Variants in CCDC102B observed in about 807,000 individuals in gnomAD.
CCDC102B encodes the protein coiled-coil domain containing 102B, also known as coiled-coil domain-containing protein 102B.
In CCDC102B, 75 loss-of-function variants were observed where a neutral mutation model predicts 57.4. The observed-to-expected ratio is 1.31, with a 90% CI of 1.08 to 1.58. The LOEUF is 1.58. CCDC102B is among the 40% of genes most tolerant of loss of function. The pLI is 0.00. For missense variants in CCDC102B, 636 were observed against 582.6 expected, an observed-to-expected ratio of 1.09 and a Z score of -0.94; for synonymous variants, 206 against 201.9, an observed-to-expected ratio of 1.02 and a Z score of -0.17.
chr18:68,903,377 G>A (rs2040516985), intron 6 of CCDC102B, among the ~76,000 whole-genome samples: 1 of 152,162 alleles, frequency 6.6e-6, no homozygotes, highest in African/African-American at 2.4e-5. Flanking sequence ...AGTGGGGTCT[G>A]TGCTCACTAC....
At chr18:68,990,659 A>C (rs1244806853) in intron 6 of CCDC102B, among the ~76,000 whole-genome samples, 4 of 152,206 alleles carry the variant, frequency 2.6e-5, no homozygotes, top group African/African-American at 9.6e-5. Flanking sequence ...TATCAAAATT[A>C]TTTCCACAGA....
intron 6 of CCDC102B, among the ~76,000 whole-genome samples, chr18:68,966,106 C>T (rs953033858): frequency 5.9e-5 from 9 of 152,090 alleles, no homozygotes; most frequent in Non-Finnish European, 1.2e-4. Flanking sequence ...GTTTGATATT[C>T]GCCCATAGCT....
chr18:68,988,948 G>A (rs910634567), intron 6 of CCDC102B, among the ~76,000 whole-genome samples: 34 of 152,136 alleles, frequency 2.2e-4, no homozygotes, highest in Non-Finnish European at 8.8e-5. Flanking sequence ...ATTCTTCATC[G>A]AGTTATGTCC....
At chr18:68,844,758 CTCA>C (rs2037784190) in intron 3 of CCDC102B, among the ~76,000 whole-genome samples, 1 of 151,814 alleles carries the variant, frequency 6.6e-6, no homozygotes, top group African/African-American at 2.4e-5. Flanking sequence ...TTATTTTCCT[CTCA>C]TCATCTCAAA....
intron 1 of CCDC102B, among the ~76,000 whole-genome samples, chr18:68,831,432 T>A (rs919835651): frequency 6.6e-6 from 1 of 152,272 alleles, no homozygotes; most frequent in East Asian, 1.9e-4. Context: ...GATAATGCCA[T>A]TTAAAATTTA....
chr18:68,810,599 C>CT (rs1460023442), intron 1 of CCDC102B, among the ~76,000 whole-genome samples: 1 of 147,296 alleles, frequency 6.8e-6, no homozygotes, highest in African/African-American at 2.5e-5. Flanking sequence ...AAACTTAGTG[C>CT]TTTTTTTCCA....
At chr18:68,748,205 GGTGT>G (rs5825872) in intron 2 of CCDC102B, among the ~76,000 whole-genome samples, 8,345 of 137,330 alleles carry the variant, frequency 0.061, 369 homozygotes, top group African/African-American at 0.11. Flanking sequence ...TTATTAAACT[GGTGT>G]GTGTGTGTGT....
upstream of CCDC102B, among the ~76,000 whole-genome samples, chr18:68,794,717 T>G (rs1279039294): frequency 2.0e-5 from 3 of 152,124 alleles, no homozygotes; most frequent in East Asian, 5.8e-4. Flanking sequence ...TATGGAGTGT[T>G]AGGATAATGG....
At chr18:68,742,698 T>A (rs1357695188) in intron 2 of CCDC102B, among the ~76,000 whole-genome samples, 1 of 152,222 alleles carries the variant, frequency 6.6e-6, no homozygotes, top group East Asian at 1.9e-4. Context: ...TCAGTGCCAT[T>A]GAGTTTCTGC....
rs571879596 is a variant in CCDC102B at position 68,892,629 on chromosome 18, T to A, written c.1054-4590T>A. Among the ~76,000 whole-genome samples, 123 of 152,290 alleles carry A rather than the reference T, an allele frequency of 8.1e-4. 1 individual carries two copies. The highest frequency in any genetic ancestry group is 2.7e-3 in the African/African-American group (112 of 41,568). On this transcript the variant is annotated intron_variant, in intron 5 of 7. Coordinates refer to ENST00000360242, the MANE Select transcript of CCDC102B (RefSeq NM_024781.3). ...GAGTGAGATTTAGTCTGTGTTCACGTTCTAAACTATGCAATTTTCAAAGGA... is the reference window on the plus strand; with the variant it reads ...GAGTGAGATTTAGTCTGTGTTCACGATCTAAACTATGCAATTTTCAAAGGA...
intron 2 of CCDC102B, among the ~76,000 whole-genome samples, chr18:68,745,090 T>C (rs956345072): frequency 6.6e-6 from 1 of 152,108 alleles, no homozygotes; most frequent in Admixed American, 6.6e-5. Context: ...GAGACTCTTA[T>C]TACCTTCCCA....
Position 68,947,477 on chromosome 18 carries a change from A to C in CCDC102B, c.1263+50049A>C, listed in dbSNP as rs1480972020. ...TAAAAATGAGGAAGTAGAGGGAGAGAGATGGCTATATTTCTTTAGTTTGTA... is the reference window on the plus strand; with the variant it reads ...TAAAAATGAGGAAGTAGAGGGAGAGCGATGGCTATATTTCTTTAGTTTGTA... On this transcript the variant is annotated intron_variant, in intron 6 of 7. Transcript: ENST00000360242. Among the ~76,000 whole-genome samples the C allele has an allele frequency of 2.0e-5, 3 of 152,130 alleles. No homozygotes were observed. In the East Asian group the frequency reaches 5.8e-4, roughly 29 times the overall value.
chr18:68,820,539 T>C (rs946690438), intron 1 of CCDC102B, among the ~76,000 whole-genome samples: 1 of 152,120 alleles, frequency 6.6e-6, no homozygotes, highest in Non-Finnish European at 1.5e-5. Context: ...ATTGACCTCA[T>C]AAAATGAGTT....
At chr18:69,018,169 C>T (rs921805780) in intron 7 of CCDC102B, among the ~76,000 whole-genome samples, 25 of 152,200 alleles carry the variant, frequency 1.6e-4, no homozygotes, top group Admixed American at 9.2e-4. Context: ...TTGCAATGAA[C>T]ATGGAGTGCA....
chr18:68,962,859 G>A (rs2050078465), intron 6 of CCDC102B, among the ~76,000 whole-genome samples: 1 of 151,850 alleles, frequency 6.6e-6, no homozygotes, highest in South Asian at 2.1e-4. Flanking sequence ...GCCTCAGCAG[G>A]TTTTTAAAAT....
chr18:69,040,410 GTGTGTGTGTA>G (rs60707932), intron 7 of CCDC102B, among the ~76,000 whole-genome samples: 7,987 of 23,700 alleles, frequency 0.34, 426 homozygotes, highest in East Asian at 0.47. Flanking sequence ...GTGTGTGTGT[GTGTGTGTGTA>G]TGTGTGTGTG....
intron 7 of CCDC102B, among the ~76,000 whole-genome samples, chr18:69,016,799 T>C (rs1377426309): frequency 6.6e-6 from 1 of 152,190 alleles, no homozygotes; most frequent in Non-Finnish European, 1.5e-5. Context: ...ACTTATTTTA[T>C]GTACATACCT....
chr18:68,837,323 A>G lies in CCDC102B; in HGVS notation c.560A>G (p.Tyr187Cys), dbSNP rs529499616. Residue 187 changes from tyrosine to cysteine, a missense_variant, in exon 2 of 8, where the codon TAT becomes TGT. By Grantham distance (194) the Tyr-to-Cys change is radical. Transcript: ENST00000360242. The stretch of plus-strand genomic sequence containing the variant: ...CAAATGCATGAGTCTATCAGAGAGT[A>G]TTTGGTAAAAAGACAATTTTCTACA... ...SSQMHESIRE[Y>C]LVKRQFSTKE... 53 of 1,611,432 alleles carry G rather than the reference A, an allele frequency of 3.3e-5. 1 individual carries two copies. In the East Asian group the frequency reaches 1.1e-3, roughly 33 times the overall value.
At chr18:68,736,409 A>C in intron 2 of CCDC102B, among the ~76,000 whole-genome samples, 1 of 152,230 alleles carries the variant, frequency 6.6e-6, no homozygotes, top group East Asian at 1.9e-4. Flanking sequence ...GCTGAGTATG[A>C]GCTAACGTAA....
Sources: gnomAD v4.1 joint callset for allele counts (sites outside exome capture counted in the v4.1 genomes callset) on GRCh38, gnomAD v4.1.1 for gene constraint, MANE v1.5 for transcripts, NCBI Gene and HGNC (gene_info 2026-07-23, HGNC 2026-07-21) for gene names.